Variants in HPSE2 observed in about 807,000 individuals in gnomAD.
The protein encoded by HPSE2 is inactive heparanase-2.
HPSE2 carries 38 observed loss-of-function variants against 60.5 expected under a neutral mutation model. The ratio of observed to expected loss-of-function variants is 0.63; its 90% CI spans 0.48 to 0.82. The LOEUF (loss-of-function observed/expected upper bound fraction) is 0.82. Ranked by LOEUF, HPSE2 falls within the 40% of genes least tolerant of loss-of-function variation. The probability of loss-of-function intolerance (pLI) is 0.00; values close to 1 mark genes in which losing one functional copy is unlikely to be tolerated. For missense variants in HPSE2, 713 were observed against 740.4 expected, an observed-to-expected ratio of 0.96 and a Z score of 0.43; for synonymous variants, 295 against 293.2, an observed-to-expected ratio of 1.01 and a Z score of -0.06.
chr10:99,151,441 A>T (rs1846259194), intron 2 of HPSE2, among the ~76,000 whole-genome samples: 8 of 152,182 alleles, frequency 5.3e-5, no homozygotes. Context: ...AGACATGATG[A>T]CCAAAAACAT....
At chr10:98,916,332 CACAG>C (rs1157777977) in intron 3 of HPSE2, among the ~76,000 whole-genome samples, 8 of 152,202 alleles carry the variant, frequency 5.3e-5, no homozygotes, top group Non-Finnish European at 7.4e-5. Flanking sequence ...CAATTTGTTA[CACAG>C]ACAATGTCTA....
intron 2 of HPSE2, among the ~76,000 whole-genome samples, chr10:99,172,522 G>A (rs939122562): frequency 6.6e-6 from 1 of 152,148 alleles, no homozygotes; most frequent in Non-Finnish European, 1.5e-5. Context: ...ATAAATATTG[G>A]TCCTATCTAC....
intron 6 of HPSE2, among the ~76,000 whole-genome samples, chr10:98,691,672 A>G (rs1948081097): frequency 6.6e-6 from 1 of 152,224 alleles, no homozygotes; most frequent in African/African-American, 2.4e-5. Context: ...GTAAAGGGAC[A>G]TTATCTTGTT....
intron 4 of HPSE2, among the ~76,000 whole-genome samples, chr10:98,728,393 G>A (rs183071654): frequency 1.3e-5 from 2 of 152,182 alleles, no homozygotes; most frequent in Admixed American, 1.3e-4. Context: ...CGAGGTGGGT[G>A]GATCACCTGA....
chr10:99,117,073 A>C (rs1438736418), intron 3 of HPSE2, among the ~76,000 whole-genome samples: 5 of 152,130 alleles, frequency 3.3e-5, no homozygotes, highest in Non-Finnish European at 4.4e-5. Flanking sequence ...CAAACTTTAA[A>C]AGCCAGAGAA....
chr10:99,190,933 C>T (rs1848199031), intron 2 of HPSE2, among the ~76,000 whole-genome samples: 1 of 152,120 alleles, frequency 6.6e-6, no homozygotes, highest in Non-Finnish European at 1.5e-5. Flanking sequence ...CAGCATTCAA[C>T]ACAAGCTGAC....
At chr10:98,893,667 T>C (rs1590028668) in intron 3 of HPSE2, among the ~76,000 whole-genome samples, 1 of 152,022 alleles carries the variant, frequency 6.6e-6, no homozygotes, top group African/African-American at 2.4e-5. Flanking sequence ...AGTGAGCTGG[T>C]AAGAAAGTAA....
At chr10:98,685,668 T>A (rs1478923101) in intron 6 of HPSE2, among the ~76,000 whole-genome samples, 1 of 152,172 alleles carries the variant, frequency 6.6e-6, no homozygotes, top group Non-Finnish European at 1.5e-5. Context: ...ACACCTGGGC[T>A]TTTACAAATT....
At chr10:99,226,124 GT>G (rs1177094701) in intron 2 of HPSE2, among the ~76,000 whole-genome samples, 1 of 151,822 alleles carries the variant, frequency 6.6e-6, no homozygotes, top group East Asian at 1.9e-4. Flanking sequence ...AGCCAGGGTG[GT>G]CTCCTTCCTG....
At chr10:99,084,658 A>G (rs1843259072) in intron 3 of HPSE2, among the ~76,000 whole-genome samples, 1 of 152,180 alleles carries the variant, frequency 6.6e-6, no homozygotes, top group African/African-American at 2.4e-5. Flanking sequence ...TACCTCTTCA[A>G]GGCACAAAAC....
chr10:98,747,890 C>T (rs535654934), intron 3 of HPSE2, among the ~76,000 whole-genome samples: 31 of 152,282 alleles, frequency 2.0e-4, no homozygotes, highest in African/African-American at 7.2e-4. Context: ...ATCTAACACA[C>T]AGCAATTTTC....
chr10:99,233,119 A>C (rs1036670314), intron 1 of HPSE2, among the ~76,000 whole-genome samples: 2 of 152,200 alleles, frequency 1.3e-5, no homozygotes, highest in Non-Finnish European at 2.9e-5. Flanking sequence ...TATTGTAAAA[A>C]CTGCATTGTT....
chr10:98,748,440 CA>C (rs1486979129), intron 3 of HPSE2, among the ~76,000 whole-genome samples: 24 of 152,168 alleles, frequency 1.6e-4, no homozygotes, highest in Non-Finnish European at 3.5e-4. Flanking sequence ...CAGGTTCCAT[CA>C]AAACAAATAG....
intron 3 of HPSE2, among the ~76,000 whole-genome samples, chr10:99,143,229 A>C (rs1001451307): frequency 6.6e-6 from 1 of 152,098 alleles, no homozygotes; most frequent in Non-Finnish European, 1.5e-5. Context: ...CTTTCATCTC[A>C]TGCTGTTGGG....
rs1237120500 is a variant in HPSE2 at position 98,977,481 on chromosome 10, G to A, written c.610+166757C>T. ...CAACAAATATGATCTTGGCCCATAT[G>A]TCATTTCAAGTGACTTATTACATTT... On this transcript the variant is annotated intron_variant, in intron 3 of 11. Transcript: ENST00000370552. Among the ~76,000 whole-genome samples, 4 of 152,102 alleles carry A rather than the reference G, an allele frequency of 2.6e-5. No homozygotes were observed. In the East Asian group the frequency reaches 7.7e-4, roughly 29 times the overall value.
chr10:98,501,613 G>T lies in HPSE2; in HGVS notation c.1321-11417C>A, dbSNP rs146915773. Reference sequence around the variant, plus strand: ...ACATAATACTGAATGGGGAAACGTTGAAAGCATTCCCTCTGAGAACTGGAA... The same window carrying T: ...ACATAATACTGAATGGGGAAACGTTTAAAGCATTCCCTCTGAGAACTGGAA... On this transcript the variant is annotated intron_variant, in intron 9 of 11. Transcript: ENST00000370552. Among the ~76,000 whole-genome samples, 20 of 152,264 alleles carry T rather than the reference G, an allele frequency of 1.3e-4. No homozygotes were observed. In the East Asian group the frequency reaches 3.9e-3, roughly 29 times the overall value.
At chr10:99,149,197 C>T (rs980316834) in intron 2 of HPSE2, among the ~76,000 whole-genome samples, 7 of 151,942 alleles carry the variant, frequency 4.6e-5, no homozygotes, top group East Asian at 1.9e-4. Flanking sequence ...TTCAGTTCCA[C>T]GTGAGAAAAC....
chr10:98,624,531 G>A (rs1004390102), intron 7 of HPSE2, among the ~76,000 whole-genome samples: 5 of 151,998 alleles, frequency 3.3e-5, no homozygotes, highest in African/African-American at 1.2e-4. Flanking sequence ...GCTATTGGAG[G>A]GATTTAACCA....
At chr10:98,872,560 A>G (rs1172604825) in intron 3 of HPSE2, among the ~76,000 whole-genome samples, 1 of 152,102 alleles carries the variant, frequency 6.6e-6, no homozygotes, top group Non-Finnish European at 1.5e-5. Context: ...CTAGGGTAAA[A>G]ACATCTGTAA....
Sources: gnomAD v4.1 joint callset for allele counts (sites outside exome capture counted in the v4.1 genomes callset) on GRCh38, gnomAD v4.1.1 for gene constraint, MANE v1.5 for transcripts, NCBI Gene and HGNC (gene_info 2026-07-23, HGNC 2026-07-21) for gene names.